Variants in GBE1 observed in about 807,000 individuals in gnomAD.
The protein encoded by GBE1 is 1,4-alpha-glucan-branching enzyme.
A neutral mutation model predicts 88.8 loss-of-function variants in GBE1; 70 were observed. The observed-to-expected ratio is 0.79, with a 90% confidence interval of 0.65 to 0.96. The LOEUF (loss-of-function observed/expected upper bound fraction) is 0.96. Ranked by LOEUF, GBE1 falls within the 40% of genes least tolerant of loss-of-function variation. The probability of loss-of-function intolerance (pLI) is 0.00; values close to 1 mark genes in which losing one functional copy is unlikely to be tolerated. For synonymous variants in GBE1, 284 were observed against 300.1 expected, an observed-to-expected ratio of 0.95 and a Z score of 0.56; for missense variants, 872 against 871.0, an observed-to-expected ratio of 1.00 and a Z score of -0.01.
At chr3:81,680,745 G>A (rs1705328939) in intron 2 of GBE1, among the ~76,000 whole-genome samples, 1 of 152,168 alleles carries the variant, frequency 6.6e-6, no homozygotes, top group South Asian at 2.1e-4. Context: ...ATTAAATCAT[G>A]AAGGAAAGCC....
At chr3:81,759,393 G>A (rs765427076) in intron 1 of GBE1, among the ~76,000 whole-genome samples, 3 of 152,184 alleles carry the variant, frequency 2.0e-5, no homozygotes, top group African/African-American at 7.2e-5. Flanking sequence ...TTGCACCTAA[G>A]TGTTTGACTG....
intron 15 of GBE1, among the ~76,000 whole-genome samples, chr3:81,491,537 T>C (rs929903610): frequency 1.3e-5 from 2 of 152,228 alleles, no homozygotes; most frequent in Non-Finnish European, 2.9e-5. Context: ...AATTGAGAAG[T>C]GATTTGAACT....
chr3:81,742,089 G>A (rs1011773474), intron 1 of GBE1, among the ~76,000 whole-genome samples: 3 of 151,754 alleles, frequency 2.0e-5, no homozygotes, highest in Admixed American at 6.6e-5. Flanking sequence ...AATCCTTCTA[G>A]ATTATGTCAT....
intron 7 of GBE1, among the ~76,000 whole-genome samples, chr3:81,628,414 A>T (rs1296918573): frequency 3.9e-5 from 6 of 152,080 alleles, no homozygotes; most frequent in African/African-American, 1.4e-4. Context: ...TGTGGACTCT[A>T]ACAGTGAGGG....
chr3:81,530,809 T>TACCAGA (rs1703002200), intron 14 of GBE1, among the ~76,000 whole-genome samples: 2 of 151,848 alleles, frequency 1.3e-5, no homozygotes, highest in Admixed American at 1.3e-4. Context: ...AAGTCTCTGG[T>TACCAGA]GACTATTGTC....
chr3:81,494,100 C>T (rs1159045320), intron 15 of GBE1, among the ~76,000 whole-genome samples: 1 of 151,936 alleles, frequency 6.6e-6, no homozygotes, highest in South Asian at 2.1e-4. Context: ...ACATATATTT[C>T]ACTGCAGTGT....
chr3:81,490,268 C>A lies in GBE1; in HGVS notation c.*139G>T. ...TAAAAGTTTGCTGTATTTGCATAAA[C>A]CAATATTGAATTTCAGACACTTGAT... On this transcript the variant is annotated 3_prime_UTR_variant, in exon 16 of 16. Coordinates refer to ENST00000429644, the MANE Select transcript of GBE1 (RefSeq NM_000158.4). 1.4e-6 allele frequency: 1 copy of A among 717,892 alleles called. No individual in the cohort carries two copies. The highest frequency in any genetic ancestry group is 2.4e-6 in the Non-Finnish European group (1 of 408,248). The allele number at this position is 717,892 out of a possible 1,614,324, so 44.5% of individuals were successfully genotyped here. A position where few individuals can be genotyped will look rare whatever the true frequency, so the allele number is the denominator to read the frequency against.
intron 2 of GBE1, among the ~76,000 whole-genome samples, chr3:81,684,563 A>G (rs1030819143): frequency 2.6e-5 from 4 of 152,142 alleles, no homozygotes; most frequent in East Asian, 1.9e-4. Flanking sequence ...TCTCCCGTCA[A>G]GATCTAATTA....
At chr3:81,745,930 T>C (rs1474990830) in intron 1 of GBE1, among the ~76,000 whole-genome samples, 1 of 152,110 alleles carries the variant, frequency 6.6e-6, no homozygotes, top group East Asian at 1.9e-4. Context: ...TATAAGATAA[T>C]GAACCCTGAT....
intron 2 of GBE1, among the ~76,000 whole-genome samples, chr3:81,675,798 C>T (rs903816298): frequency 1.7e-4 from 26 of 151,946 alleles, no homozygotes; most frequent in Non-Finnish European, 1.0e-4. Flanking sequence ...GTTTCCTATA[C>T]GCATAAATTA....
intron 14 of GBE1, among the ~76,000 whole-genome samples, chr3:81,527,821 C>G (rs1280451684): frequency 3.3e-5 from 5 of 151,940 alleles, no homozygotes; most frequent in African/African-American, 9.6e-5. Context: ...ATTCCTCAGG[C>G]ATCTAGAATG....
At chr3:81,619,741 A>T (rs1247849869) in intron 7 of GBE1, among the ~76,000 whole-genome samples, 2 of 152,102 alleles carry the variant, frequency 1.3e-5, no homozygotes, top group Non-Finnish European at 2.9e-5. Flanking sequence ...TTCTTTAGGG[A>T]CTTAATTAAA....
intron 1 of GBE1, among the ~76,000 whole-genome samples, chr3:81,735,708 G>A (rs1167814902): frequency 6.6e-6 from 1 of 152,126 alleles, no homozygotes; most frequent in South Asian, 2.1e-4. Context: ...CTTTAGGAAA[G>A]CCTTGGAAGA....
chr3:81,641,547 C>A (rs1388923416), intron 7 of GBE1, among the ~76,000 whole-genome samples: 1 of 152,086 alleles, frequency 6.6e-6, no homozygotes, highest in Non-Finnish European at 1.5e-5. Context: ...CTGCCTCCTT[C>A]TATAATAAAA....
At chr3:81,719,847 G>A (rs1400284559) in intron 1 of GBE1, among the ~76,000 whole-genome samples, 1 of 151,980 alleles carries the variant, frequency 6.6e-6, no homozygotes, top group East Asian at 1.9e-4. Flanking sequence ...TCAGAAAACT[G>A]ATATAAATTG....
At chr3:81,510,358 T>C (rs1287471600) in intron 14 of GBE1, among the ~76,000 whole-genome samples, 4 of 152,218 alleles carry the variant, frequency 2.6e-5, no homozygotes, top group East Asian at 1.9e-4. Flanking sequence ...GCGTAACATA[T>C]AGTTAATGTA....
intron 2 of GBE1, among the ~76,000 whole-genome samples, chr3:81,700,029 T>C (rs371239602): frequency 6.9e-4 from 105 of 152,384 alleles, no homozygotes; most frequent in African/African-American, 2.4e-3. Context: ...CTCTCTCTCA[T>C]GTGATCAGTG....
At chr3:81,544,916 T>C in intron 12 of GBE1, among the ~76,000 whole-genome samples, 1 of 152,180 alleles carries the variant, frequency 6.6e-6, no homozygotes, top group African/African-American at 2.4e-5. Flanking sequence ...TTCTGTAAAC[T>C]GTAATGCATA....
chr3:81,703,013 A>C (rs923313005), intron 2 of GBE1, among the ~76,000 whole-genome samples: 3 of 152,014 alleles, frequency 2.0e-5, no homozygotes, highest in African/African-American at 7.2e-5. Flanking sequence ...TGGGGGAACC[A>C]AATGCAACTA....
Sources: allele counts gnomAD v4.1 joint callset (sites outside exome capture counted in the v4.1 genomes callset), GRCh38; gene constraint gnomAD v4.1.1; transcripts MANE v1.5; gene names NCBI Gene and HGNC (gene_info 2026-07-23, HGNC 2026-07-21).